EPHB1: variants seen among roughly 807,000 people sequenced by gnomAD.
EPHB1 encodes the protein ephrin type-B receptor 1.
In EPHB1, 30 loss-of-function variants were observed where a neutral mutation model predicts 94.4. The ratio of observed to expected loss-of-function variants is 0.32; its 90% CI spans 0.24 to 0.43. The LOEUF is 0.43. EPHB1 is among the 20% of genes least tolerant of loss of function. The pLI is 1.00. For synonymous variants in EPHB1, 522 were observed against 489.1 expected (o/e 1.07, Z -0.89); for missense variants, 1,055 against 1,308.3 (o/e 0.81, Z 2.99).
intron 2 of EPHB1, among the ~76,000 whole-genome samples, chr3:134,932,352 C>T (rs1386940601): frequency 6.6e-6 from 1 of 152,178 alleles, no homozygotes; most frequent in Non-Finnish European, 1.5e-5. Flanking sequence ...CTGTCAGATC[C>T]CCCACCAGCT....
At chr3:135,006,021 T>C (rs1576311096) in intron 3 of EPHB1, among the ~76,000 whole-genome samples, 1 of 152,234 alleles carries the variant, frequency 6.6e-6, no homozygotes, top group South Asian at 2.1e-4. Flanking sequence ...GTATTTCTCC[T>C]GCTCACTCTT....
intron 1 of EPHB1, among the ~76,000 whole-genome samples, chr3:134,902,676 A>G (rs187935999): frequency 7.1e-4 from 108 of 152,346 alleles, no homozygotes; most frequent in African/African-American, 2.6e-3. Context: ...TGTATTTCAT[A>G]TAGCCTTCTT....
chr3:135,057,642 G>T (rs1398612960), intron 3 of EPHB1, among the ~76,000 whole-genome samples: 2 of 152,038 alleles, frequency 1.3e-5, no homozygotes, highest in Non-Finnish European at 2.9e-5. Flanking sequence ...TTTTTTGCAG[G>T]TTCTCTGAGT....
At chr3:134,965,590 T>C (rs1933709503) in intron 3 of EPHB1, among the ~76,000 whole-genome samples, 2 of 152,232 alleles carry the variant, frequency 1.3e-5, no homozygotes, top group Non-Finnish European at 2.9e-5. Context: ...GAATTTCCTC[T>C]AATAAAAACA....
chr3:135,243,781 G>C (rs1214935437), intron 13 of EPHB1, among the ~76,000 whole-genome samples: 1 of 152,226 alleles, frequency 6.6e-6, no homozygotes, highest in African/African-American at 2.4e-5. Context: ...GAAGGTCTTT[G>C]AACATGTACA....
At chr3:135,024,942 T>C (rs982267068) in intron 3 of EPHB1, among the ~76,000 whole-genome samples, 1 of 152,004 alleles carries the variant, frequency 6.6e-6, no homozygotes, top group Non-Finnish European at 1.5e-5. Flanking sequence ...TCTATTACTA[T>C]ATGTATTATA....
chr3:135,234,865 A>G (rs1301059169), intron 12 of EPHB1, among the ~76,000 whole-genome samples: 3 of 152,190 alleles, frequency 2.0e-5, no homozygotes, highest in East Asian at 3.9e-4. Context: ...TGGGTCCTTC[A>G]TACAATAAGT....
intron 1 of EPHB1, among the ~76,000 whole-genome samples, chr3:134,876,414 T>G (rs1464497018): frequency 6.6e-6 from 1 of 152,208 alleles, no homozygotes; most frequent in Non-Finnish European, 1.5e-5. Flanking sequence ...GGAAATTTAT[T>G]GCTTCACAAA....
chr3:134,848,433 A>T (rs2036918158), intron 1 of EPHB1, among the ~76,000 whole-genome samples: 1 of 152,240 alleles, frequency 6.6e-6, no homozygotes, highest in African/African-American at 2.4e-5. Context: ...AGCACATTGA[A>T]CAAAGATTGC....
chr3:135,092,690 A>G (rs1289344660), intron 3 of EPHB1, among the ~76,000 whole-genome samples: 1 of 151,310 alleles, frequency 6.6e-6, no homozygotes, highest in Non-Finnish European at 1.5e-5. Context: ...CAGTGGCACA[A>G]TCTCGGCTCA....
chr3:134,960,770 C>G (rs1457560), intron 3 of EPHB1, among the ~76,000 whole-genome samples: 74,110 of 152,042 alleles, frequency 0.49, 18,769 homozygotes, highest in African/African-American at 0.6. Flanking sequence ...TAAATTTGGG[C>G]CAGCAAGGCC....
chr3:135,135,588 A>G (rs185588053), intron 5 of EPHB1, among the ~76,000 whole-genome samples: 6 of 152,172 alleles, frequency 3.9e-5, no homozygotes, highest in Admixed American at 3.3e-4. Flanking sequence ...TGACATGTCT[A>G]ACCTTCCCAG....
At chr3:135,094,221 T>C (rs1218496277) in intron 3 of EPHB1, among the ~76,000 whole-genome samples, 1 of 152,228 alleles carries the variant, frequency 6.6e-6, no homozygotes, top group Non-Finnish European at 1.5e-5. Flanking sequence ...CTGGCTGCTG[T>C]GAACCTGCTC....
At chr3:135,219,249 T>C (rs9812999) in intron 12 of EPHB1, among the ~76,000 whole-genome samples, 9,825 of 152,098 alleles carry the variant, frequency 0.065, 425 homozygotes, top group East Asian at 0.21. Context: ...TCAGTTGAAT[T>C]GTATCCCTCC....
At chr3:135,256,743 C>G (rs1933410730) in intron 15 of EPHB1, among the ~76,000 whole-genome samples, 1 of 152,030 alleles carries the variant, frequency 6.6e-6, no homozygotes, top group Non-Finnish European at 1.5e-5. Context: ...CTCTGTATTT[C>G]CTGAATCTGA....
At chr3:135,178,528 C>G (rs1942057372) in intron 9 of EPHB1, among the ~76,000 whole-genome samples, 1 of 151,726 alleles carries the variant, frequency 6.6e-6, no homozygotes, top group African/African-American at 2.4e-5. Flanking sequence ...GGATTACACT[C>G]TAGTCTAATT....
intron 1 of EPHB1, among the ~76,000 whole-genome samples, chr3:134,917,288 G>A (rs948847578): frequency 6.6e-6 from 1 of 152,216 alleles, no homozygotes; most frequent in Non-Finnish European, 1.5e-5. Flanking sequence ...GGCTGGGCAG[G>A]TAGGGTAGCC....
At chr3:134,949,238 A>G (rs994851396) in intron 2 of EPHB1, among the ~76,000 whole-genome samples, 102 of 152,232 alleles carry the variant, frequency 6.7e-4, no homozygotes, top group Non-Finnish European at 1.2e-4. Flanking sequence ...CAGGACTTCA[A>G]GTTGGTGAGG....
At chr3:134,983,021 G>A (rs1396810220) in intron 3 of EPHB1, among the ~76,000 whole-genome samples, 1 of 152,170 alleles carries the variant, frequency 6.6e-6, no homozygotes, top group African/African-American at 2.4e-5. Flanking sequence ...ATCCCATGCT[G>A]TTCTTATCTG....
Sources: allele counts gnomAD v4.1 joint callset (sites outside exome capture counted in the v4.1 genomes callset), GRCh38; gene constraint gnomAD v4.1.1; transcripts MANE v1.5; gene names NCBI Gene and HGNC (gene_info 2026-07-23, HGNC 2026-07-21).